Variants in CDK19 observed in about 807,000 individuals in gnomAD.
CDK19 encodes the protein cyclin-dependent kinase 19.
A neutral mutation model predicts 68.3 loss-of-function variants in CDK19; 20 were observed. The observed-to-expected ratio is 0.29, with a 90% CI of 0.21 to 0.43. The LOEUF is 0.43. Among genes scored for constraint, CDK19 ranks in the 20% least tolerant of loss-of-function variants. The pLI, the probability that CDK19 is intolerant of heterozygous loss-of-function variation, is 1.00. For missense variants in CDK19, 339 were observed against 623.5 expected (o/e 0.54, Z 4.86); for synonymous variants, 221 against 222.8 (o/e 0.99, Z 0.07).
intron 1 of CDK19, among the ~76,000 whole-genome samples, chr6:110,785,632 G>A (rs955120789): frequency 1.3e-5 from 2 of 152,090 alleles, no homozygotes; most frequent in South Asian, 4.1e-4. Context: ...TGGCAGAGGC[G>A]GAGGAGGTAG....
At chr6:110,735,550 T>C (rs1173578022) in intron 2 of CDK19, among the ~76,000 whole-genome samples, 2 of 152,146 alleles carry the variant, frequency 1.3e-5, no homozygotes, top group African/African-American at 4.8e-5. Flanking sequence ...ATTTTAGACA[T>C]GAAGAAACTA....
At chr6:110,654,930 A>G (rs2114300208) in intron 4 of CDK19, among the ~76,000 whole-genome samples, 1 of 151,854 alleles carries the variant, frequency 6.6e-6, no homozygotes, top group South Asian at 2.1e-4. Context: ...AATAAGAACA[A>G]AACTCTGTCT....
chr6:110,735,985 G>A (rs1014673446), intron 2 of CDK19, among the ~76,000 whole-genome samples: 4 of 152,146 alleles, frequency 2.6e-5, no homozygotes, highest in Non-Finnish European at 5.9e-5. Flanking sequence ...ACTGCTGCAC[G>A]GCATACTCCC....
chr6:110,772,655 T>C (rs1445548285), intron 1 of CDK19, among the ~76,000 whole-genome samples: 3 of 152,116 alleles, frequency 2.0e-5, no homozygotes, highest in Non-Finnish European at 4.4e-5. Context: ...AAAACAAAAC[T>C]GCCAAGGCAG....
chr6:110,620,326 T>C (rs1778625637), intron 12 of CDK19, among the ~76,000 whole-genome samples: 1 of 152,290 alleles, frequency 6.6e-6, no homozygotes, highest in South Asian at 2.1e-4. Flanking sequence ...ATTATCTCTA[T>C]CCTATGCACT....
In CDK19 at chr6:110,722,128, A is replaced by G. The variant is rs942179339; in HGVS notation, c.204+23998T>C. The G allele has an allele frequency of 2.0e-5, 3 of 152,230 alleles. No homozygotes were observed. In the East Asian group the frequency reaches 5.8e-4, roughly 29 times the overall value. The allele number at this position is 152,230 out of a possible 1,614,324, so 9.4% of individuals were successfully genotyped here. A position where few individuals can be genotyped will look rare whatever the true frequency, so the allele number is the denominator to read the frequency against. On this transcript the variant is annotated intron_variant, in intron 2 of 12. Transcript: ENST00000368911. ...AATTTTAAACGATTCCTCTCAATGG[A>G]AAACTGTTTTATACAGTCTTCACAT...
At chr6:110,674,229 G>A (rs189713741) in intron 2 of CDK19, among the ~76,000 whole-genome samples, 2 of 152,200 alleles carry the variant, frequency 1.3e-5, no homozygotes, top group East Asian at 3.9e-4. Flanking sequence ...CCCACCAGCT[G>A]TTCCCCCATC....
intron 2 of CDK19, among the ~76,000 whole-genome samples, chr6:110,742,506 G>A (rs952758393): frequency 3.9e-5 from 6 of 152,122 alleles, no homozygotes; most frequent in Non-Finnish European, 8.8e-5. Flanking sequence ...GACTGCCTGC[G>A]GGGTCAGGCA....
intron 1 of CDK19, among the ~76,000 whole-genome samples, chr6:110,760,267 G>A (rs145188324): frequency 5.3e-5 from 8 of 151,534 alleles, no homozygotes; most frequent in Non-Finnish European, 8.8e-5. Flanking sequence ...ATGGTGGCAC[G>A]TGCCTTACAG....
intron 8 of CDK19, among the ~76,000 whole-genome samples, chr6:110,623,892 T>C (rs1354371029): frequency 2.1e-5 from 1 of 46,536 alleles, no homozygotes. Context: ...TATATATATG[T>C]GTGTGTATAT....
At chr6:110,661,099 A>T (rs947388059) in intron 4 of CDK19, among the ~76,000 whole-genome samples, 1 of 152,238 alleles carries the variant, frequency 6.6e-6, no homozygotes, top group Admixed American at 6.5e-5. Context: ...ATGAAAAAAT[A>T]TCCAAAGTCA....
intron 1 of CDK19, among the ~76,000 whole-genome samples, chr6:110,790,361 C>T (rs1284519658): frequency 6.6e-6 from 1 of 151,980 alleles, no homozygotes; most frequent in Non-Finnish European, 1.5e-5. Context: ...ATGGAGAAAA[C>T]CCATCTCTAC....
chr6:110,758,378 G>A (rs1339247678), intron 1 of CDK19, among the ~76,000 whole-genome samples: 2 of 152,146 alleles, frequency 1.3e-5, no homozygotes, highest in African/African-American at 4.8e-5. Context: ...ATTTGTGAGA[G>A]CATCACTAGT....
intron 1 of CDK19, among the ~76,000 whole-genome samples, chr6:110,812,281 CG>C (rs1390229075): frequency 6.6e-6 from 1 of 152,004 alleles, no homozygotes; most frequent in Non-Finnish European, 1.5e-5. Context: ...CCACCATGCC[CG>C]GCTAATTCCT....
rs552319595 is a variant in CDK19, at chr6:110,621,091, A to G, written c.1377+13T>C. On this transcript the variant is annotated intron_variant, in intron 12 of 12. Coordinates refer to ENST00000368911, the MANE Select transcript of CDK19 (RefSeq NM_015076.5). The surrounding 1 kb of genome is among the most constrained non-coding windows in gnomAD (Gnocchi z 5.4). ...TTCATAAAGCATATGAACATTAGAC[A>G]TTCAGGGAGTACCTGATAATCCGAG... The G allele has an allele frequency of 1.9e-6, 3 of 1,606,096 alleles. No homozygotes were observed. The highest frequency in any genetic ancestry group is 2.7e-5 in the African/African-American group (2 of 74,782).
intron 4 of CDK19, among the ~76,000 whole-genome samples, chr6:110,654,517 G>A (rs538495347): frequency 8.0e-4 from 122 of 152,180 alleles, no homozygotes; most frequent in Non-Finnish European, 1.5e-3. Context: ...GGTACATACT[G>A]TGTTTAATAC....
chr6:110,648,538 CTTTTTT>C (rs60624969), intron 4 of CDK19, among the ~76,000 whole-genome samples: 1 of 120,218 alleles, frequency 8.3e-6, no homozygotes, highest in East Asian at 2.6e-4. Flanking sequence ...TTTTTCTTTT[CTTTTTT>C]TTTTTTTTTT....
chr6:110,614,546 G>A lies in CDK19; in HGVS notation c.1498C>T (p.His500Tyr). 1 of 1,614,004 alleles carries A rather than the reference G, an allele frequency of 6.2e-7. No homozygotes were observed. The highest frequency in any genetic ancestry group is 8.5e-7 in the Non-Finnish European group (1 of 1,179,904). ...CCAACGGGAGCTGGTCAGTACCGGT[G>A]GGCCTGGTGAGATGGGTGGTACTGT... The part of the protein sequence containing the change: ...SSQYHPSHQA[H>Y]RY Residue 500 changes from histidine (H) to tyrosine (Y), a missense_variant, in exon 13 of 13, where the codon CAC becomes TAC. By Grantham distance (83) the His-to-Tyr change is moderately conservative. Transcript: ENST00000368911.
chr6:110,813,678 C>T (rs1783302900), intron 1 of CDK19: 1 of 151,042 alleles, frequency 6.6e-6, no homozygotes, highest in African/African-American at 2.4e-5. Context: ...TAGCACTTTG[C>T]AATTTTCACG....
Sources: allele counts gnomAD v4.1 joint callset (sites outside exome capture counted in the v4.1 genomes callset), GRCh38; gene constraint gnomAD v4.1.1; non-coding constraint Gnocchi (gnomAD v3.1); transcripts MANE v1.5; gene names NCBI Gene and HGNC (gene_info 2026-07-23, HGNC 2026-07-21).